Variants in ATRN observed in about 807,000 individuals in gnomAD.
ATRN encodes attractin.
Under a neutral mutation model 178.7 loss-of-function variants are expected in ATRN, and 54 were observed. The ratio of observed to expected loss-of-function variants is 0.30; its 90% CI spans 0.24 to 0.38. The LOEUF (loss-of-function observed/expected upper bound fraction) is 0.38, where lower values mean the gene tolerates loss of function less well. Ranked by LOEUF, ATRN falls within the 10% of genes least tolerant of loss-of-function variation. ATRN has a pLI of 1.00. For missense variants in ATRN, 1,443 were observed against 1,815.1 expected, an observed-to-expected ratio of 0.79 and a Z score of 3.73; for synonymous variants, 636 against 663.0, an observed-to-expected ratio of 0.96 and a Z score of 0.63.
At chr20:3,561,426 C>G (rs1423516580) in intron 8 of ATRN, among the ~76,000 whole-genome samples, 1 of 152,170 alleles carries the variant, frequency 6.6e-6, no homozygotes, top group Non-Finnish European at 1.5e-5. Flanking sequence ...GTATTTGTTA[C>G]TGTCAATTTG....
At chr20:3,507,430 CA>C (rs1159236623) in intron 1 of ATRN, among the ~76,000 whole-genome samples, 1 of 149,776 alleles carries the variant, frequency 6.7e-6, no homozygotes, top group Non-Finnish European at 1.5e-5. Context: ...AAATTGGAGT[CA>C]AAAAATGGCA....
At chr20:3,507,445 A>G (rs2085062041) in intron 1 of ATRN, among the ~76,000 whole-genome samples, 1 of 151,936 alleles carries the variant, frequency 6.6e-6, no homozygotes, top group African/African-American at 2.4e-5. Flanking sequence ...AATGGCAAAA[A>G]CTGCAATTAC....
chr20:3,619,124 G>A (rs370289033), intron 24 of ATRN, among the ~76,000 whole-genome samples: 13 of 152,166 alleles, frequency 8.5e-5, no homozygotes, highest in African/African-American at 1.9e-4. Context: ...GCGTTTTCTC[G>A]GAGCCTGACA....
At chr20:3,617,053 G>A (rs1226242788) in intron 24 of ATRN, among the ~76,000 whole-genome samples, 2 of 152,092 alleles carry the variant, frequency 1.3e-5, no homozygotes, top group African/African-American at 4.8e-5. Flanking sequence ...AGGGCTTTAC[G>A]GTAGGTATCA....
chr20:3,474,791 T>C (rs1030553500), intron 1 of ATRN, among the ~76,000 whole-genome samples: 1 of 151,912 alleles, frequency 6.6e-6, no homozygotes, highest in East Asian at 1.9e-4. Context: ...CCCAGCACTT[T>C]GGGAGGCTGA....
intron 24 of ATRN, among the ~76,000 whole-genome samples, chr20:3,618,314 A>C (rs532630235): frequency 1.4e-4 from 21 of 152,344 alleles, no homozygotes; most frequent in African/African-American, 4.6e-4. Flanking sequence ...TGGATAGATC[A>C]GGAAATAACA....
intron 24 of ATRN, among the ~76,000 whole-genome samples, chr20:3,610,754 T>C (rs2146299902): frequency 7.2e-6 from 1 of 138,140 alleles, no homozygotes. Context: ...TTTTTTTTTT[T>C]TTTTTTTTTT....
rs2086553601 is a variant in ATRN at position 3,597,942 on chromosome 20, T to C, written c.3506T>C (p.Leu1169Pro). The C allele has an allele frequency of 6.2e-7, 1 of 1,611,838 alleles. No individual in the cohort carries two copies. The highest frequency in any genetic ancestry group is 8.5e-7 in the Non-Finnish European group (1 of 1,178,288). Residue 1169 changes from leucine to proline, a missense_variant, in exon 22 of 29, where the codon CTA becomes CCA. Leu to Pro is a moderately conservative substitution (Grantham distance 98). Around this residue, in one of 4 missense-constraint regions of ATRN, gnomAD observed 289 missense variants for 440.8 expected, o/e 0.66. Coordinates refer to ENST00000262919, the MANE Select transcript of ATRN (RefSeq NM_139321.3). ...ATTGACTATCAGTTCACCTTTAGTC[T>C]ATCCCAGGAAGATGATCGCTATTAC... is the stretch of plus-strand genomic sequence containing the variant. ...LLIDYQFTFSLSQEDDRYYTA... is the reference protein window; with the variant it reads ...LLIDYQFTFSPSQEDDRYYTA...
chr20:3,560,658 C>A lies in ATRN; in HGVS notation c.1204-4C>A. On this transcript the variant is annotated splice_polypyrimidine_tract_variant and splice_region_variant and intron_variant, in intron 7 of 28. Transcript: ENST00000262919. Reference sequence around the variant, plus strand: ...TAAAAATTTTGTTTGCATTTTTTTCCTAGGATAAAATTTACATGTATGGAG... The same window carrying A: ...TAAAAATTTTGTTTGCATTTTTTTCATAGGATAAAATTTACATGTATGGAG... The A allele has an allele frequency of 6.3e-7, 1 of 1,596,530 alleles. No homozygotes were observed.
rs1427051415 is a variant in ATRN, at chr20:3,645,017, AATC to A, written c.4165+752_4165+754del. Among the ~76,000 whole-genome samples, 1 of 152,260 alleles carries A rather than the reference AATC, an allele frequency of 6.6e-6. No homozygotes were observed. The highest frequency in any genetic ancestry group is 6.5e-5 in the Admixed American group (1 of 15,286). Reference sequence around the variant, plus strand: ...GTGACACTTCTCCATCAAATATATGAATCATGATTATATAAACTTCTATTTTGA... The same window carrying A: ...GTGACACTTCTCCATCAAATATATGAATGATTATATAAACTTCTATTTTGA... On this transcript the variant is annotated intron_variant, in intron 28 of 28. Coordinates refer to ENST00000262919, the MANE Select transcript of ATRN (RefSeq NM_139321.3). This position sits in a 1 kb window ranked among gnomAD's most constrained non-coding sequence, Gnocchi z 4.7.
intron 12 of ATRN, among the ~76,000 whole-genome samples, chr20:3,573,176 A>G (rs1017178517): frequency 6.6e-6 from 1 of 152,202 alleles, no homozygotes; most frequent in African/African-American, 2.4e-5. Context: ...TGATAGAGAC[A>G]TAACCGTTTT....
chr20:3,641,036 T>C (rs1436238110), intron 27 of ATRN, among the ~76,000 whole-genome samples: 3 of 152,184 alleles, frequency 2.0e-5, no homozygotes, highest in Non-Finnish European at 4.4e-5. Flanking sequence ...GATTACACTT[T>C]TAAGAGATAC....
chr20:3,621,272 C>T (rs1600164090), intron 24 of ATRN, among the ~76,000 whole-genome samples: 1 of 152,274 alleles, frequency 6.6e-6, no homozygotes, highest in Non-Finnish European at 1.5e-5. Context: ...CAGGGAGGCT[C>T]TCTGGTGACA....
chr20:3,577,003 C>T lies in ATRN; in HGVS notation c.2353+6C>T, dbSNP rs750636239. The T allele has an allele frequency of 1.2e-6, 2 of 1,613,656 alleles. No individual in the cohort carries two copies. The highest frequency in any genetic ancestry group is 2.2e-5 in the East Asian group (1 of 44,870). Reference sequence around the variant, plus strand: ...GGAGTGCATTGCCCTGCCCGGTAGGCCTTGCAGGGTCATCTTGGTGTGTGT... The same window carrying T: ...GGAGTGCATTGCCCTGCCCGGTAGGTCTTGCAGGGTCATCTTGGTGTGTGT... On this transcript the variant is annotated splice_donor_region_variant and intron_variant, in intron 14 of 28. Transcript: ENST00000262919.
At chr20:3,478,838 C>T (rs968338977) in intron 1 of ATRN, among the ~76,000 whole-genome samples, 3 of 152,008 alleles carry the variant, frequency 2.0e-5, no homozygotes, top group African/African-American at 7.3e-5. Flanking sequence ...CAGCACCTCC[C>T]TCCTCACTGC....
chr20:3,621,567 T>C (rs947633047), intron 24 of ATRN, among the ~76,000 whole-genome samples: 6 of 152,232 alleles, frequency 3.9e-5, no homozygotes, highest in Non-Finnish European at 7.3e-5. Flanking sequence ...TGGTGTCTAC[T>C]GTTTGGAAAC....
intron 18 of ATRN, among the ~76,000 whole-genome samples, chr20:3,588,665 T>C (rs2086392026): frequency 6.6e-6 from 1 of 152,164 alleles, no homozygotes; most frequent in Admixed American, 6.5e-5. Context: ...GATTACTATC[T>C]GGTTTTCATA....
intron 1 of ATRN, among the ~76,000 whole-genome samples, chr20:3,499,812 A>G (rs989484277): frequency 2.0e-5 from 3 of 149,986 alleles, no homozygotes; most frequent in African/African-American, 7.5e-5. Flanking sequence ...AGCAATGGCA[A>G]CAAAAGCCAG....
At chr20:3,559,548 A>C in intron 7 of ATRN, 65 bp downstream of exon 7, 1 of 1,345,764 alleles carries the variant, frequency 7.4e-7, no homozygotes, top group East Asian at 2.3e-5. Context: ...CATGTATTAC[A>C]TAGTTGAAAA....
Sources: allele counts gnomAD v4.1 joint callset (sites outside exome capture counted in the v4.1 genomes callset), GRCh38; gene constraint gnomAD v4.1.1; regional missense constraint gnomAD v4.1.1; non-coding constraint Gnocchi (gnomAD v3.1); transcripts MANE v1.5; gene names NCBI Gene and HGNC (gene_info 2026-07-23, HGNC 2026-07-21).